Variants in NKAIN3 observed in about 807,000 individuals in gnomAD.
NKAIN3 encodes the protein sodium/potassium-transporting ATPase subunit beta-1-interacting protein 3.
NKAIN3 carries 25 observed loss-of-function variants against 30.2 expected under a neutral mutation model. The ratio of observed to expected loss-of-function variants is 0.83; its 90% CI spans 0.60 to 1.16. The LOEUF (loss-of-function observed/expected upper bound fraction) is 1.16. Among genes scored for constraint, NKAIN3 ranks in the 50% most tolerant of loss-of-function variants. The pLI is 0.00. For synonymous variants in NKAIN3, 91 were observed against 89.6 expected (o/e 1.02, Z -0.09); for missense variants, 225 against 254.1 (o/e 0.89, Z 0.78).
intron 1 of NKAIN3, among the ~76,000 whole-genome samples, chr8:62,572,907 T>G (rs1809992595): frequency 6.6e-6 from 1 of 152,098 alleles, no homozygotes; most frequent in African/African-American, 2.4e-5. Flanking sequence ...TAAGAAACAT[T>G]GTATTTTAAA....
At chr8:62,858,624 A>G (rs776587154) in intron 4 of NKAIN3, among the ~76,000 whole-genome samples, 8 of 152,216 alleles carry the variant, frequency 5.3e-5, no homozygotes, top group African/African-American at 1.2e-4. Context: ...TACAGAAGCA[A>G]TCTGGCCACA....
intron 1 of NKAIN3, among the ~76,000 whole-genome samples, chr8:62,352,751 A>C (rs1199866049): frequency 1.3e-5 from 2 of 152,140 alleles, no homozygotes; most frequent in Non-Finnish European, 2.9e-5. Context: ...ATCATGTTAT[A>C]ATTACAGGTG....
intron 4 of NKAIN3, among the ~76,000 whole-genome samples, chr8:62,868,424 C>T (rs910197488): frequency 2.0e-5 from 3 of 151,276 alleles, no homozygotes; most frequent in Non-Finnish European, 4.4e-5. Flanking sequence ...ACCAAGGAGG[C>T]ATTTATCTGA....
At chr8:62,580,906 T>TTATGTA (rs1810267734) in intron 2 of NKAIN3, among the ~76,000 whole-genome samples, 1 of 112,274 alleles carries the variant, frequency 8.9e-6, no homozygotes, top group African/African-American at 2.9e-5. Context: ...GCTAGGGTTT[T>TTATGTA]TATATATATA....
intron 1 of NKAIN3, among the ~76,000 whole-genome samples, chr8:62,426,024 G>T (rs1245625595): frequency 6.6e-6 from 1 of 151,830 alleles, no homozygotes; most frequent in Non-Finnish European, 1.5e-5. Flanking sequence ...TTGATTGAAT[G>T]GTTGTATTCA....
At chr8:62,739,192 C>A (rs1243363787) in intron 3 of NKAIN3, among the ~76,000 whole-genome samples, 2 of 151,906 alleles carry the variant, frequency 1.3e-5, no homozygotes, top group Non-Finnish European at 2.9e-5. Flanking sequence ...CAGCAAACCA[C>A]CATGGCACTT....
At chr8:62,873,571 T>A (rs996381894) in intron 4 of NKAIN3, among the ~76,000 whole-genome samples, 3 of 150,238 alleles carry the variant, frequency 2.0e-5, no homozygotes, top group Non-Finnish European at 4.4e-5. Flanking sequence ...ATTCTAAAAT[T>A]GACCATATAA....
intron 5 of NKAIN3, among the ~76,000 whole-genome samples, chr8:62,925,415 A>G (rs1430471550): frequency 5.9e-5 from 9 of 152,170 alleles, no homozygotes; most frequent in Admixed American, 5.9e-4. Context: ...GTATTTGTGC[A>G]CTTATATCTT....
chr8:62,449,215 C>T (rs941595403), intron 1 of NKAIN3, among the ~76,000 whole-genome samples: 1 of 152,002 alleles, frequency 6.6e-6, no homozygotes, highest in Non-Finnish European at 1.5e-5. Context: ...TCCACGATTG[C>T]ACACTGTGGC....
chr8:62,729,549 G>C (rs143089591), intron 3 of NKAIN3, among the ~76,000 whole-genome samples: 5 of 152,098 alleles, frequency 3.3e-5, no homozygotes, highest in Middle Eastern at 3.4e-3. Flanking sequence ...ATAAAAACCT[G>C]CACCTAGATG....
At chr8:62,501,241 C>T (rs1378354961) in intron 1 of NKAIN3, among the ~76,000 whole-genome samples, 1 of 152,094 alleles carries the variant, frequency 6.6e-6, no homozygotes, top group Non-Finnish European at 1.5e-5. Context: ...GAAGAAATCA[C>T]ACCCTCACTA....
At chr8:62,324,675 G>A (rs1045164849) in intron 1 of NKAIN3, among the ~76,000 whole-genome samples, 1 of 152,046 alleles carries the variant, frequency 6.6e-6, no homozygotes, top group Non-Finnish European at 1.5e-5. Flanking sequence ...AAAGCAGAAA[G>A]AACTATATTC....
At chr8:62,988,158 T>C (rs1824242178), downstream of NKAIN3, among the ~76,000 whole-genome samples, 1 of 152,244 alleles carries the variant, frequency 6.6e-6, no homozygotes, top group African/African-American at 2.4e-5. Context: ...TCCACTTCTG[T>C]GGCTTTGCAG....
intron 1 of NKAIN3, among the ~76,000 whole-genome samples, chr8:62,565,146 T>C (rs1338060230): frequency 1.3e-5 from 2 of 152,158 alleles, no homozygotes; most frequent in Non-Finnish European, 2.9e-5. Flanking sequence ...TTTATATCAA[T>C]ACATCTTGGA....
At chr8:62,701,811 C>T (rs1380733265) in intron 3 of NKAIN3, among the ~76,000 whole-genome samples, 3 of 152,180 alleles carry the variant, frequency 2.0e-5, no homozygotes, top group African/African-American at 4.8e-5. Context: ...GATTTCACCT[C>T]TTATTTGAAG....
intron 4 of NKAIN3, among the ~76,000 whole-genome samples, chr8:62,869,892 C>G (rs188442612): frequency 1.2e-4 from 18 of 152,198 alleles, no homozygotes; most frequent in Middle Eastern, 3.4e-3. Context: ...CTCAGCCCCC[C>G]CGAAGTGGCT....
chr8:62,811,351 G>GA (rs570099902), intron 4 of NKAIN3, among the ~76,000 whole-genome samples: 1 of 151,898 alleles, frequency 6.6e-6, no homozygotes, highest in Non-Finnish European at 1.5e-5. Flanking sequence ...GTTTTTATGT[G>GA]AAAAAAAGTT....
intron 4 of NKAIN3, among the ~76,000 whole-genome samples, chr8:62,763,152 C>T (rs1021003248): frequency 7.7e-6 from 1 of 129,088 alleles, no homozygotes; most frequent in Non-Finnish European, 1.6e-5. Flanking sequence ...ACCCAGGAGG[C>T]GGAGCTTGCA....
At chr8:62,431,942 C>A in intron 1 of NKAIN3, among the ~76,000 whole-genome samples, 1 of 132,276 alleles carries the variant, frequency 7.6e-6, no homozygotes, top group African/African-American at 3.0e-5. Context: ...TAGCCCATGT[C>A]ATAAGCCTTT....
Sources: allele counts gnomAD v4.1 joint callset (sites outside exome capture counted in the v4.1 genomes callset), GRCh38; gene constraint gnomAD v4.1.1; transcripts MANE v1.5; gene names NCBI Gene and HGNC (gene_info 2026-07-23, HGNC 2026-07-21).